Variants in TMEM273 observed in about 807,000 individuals in gnomAD.
The protein encoded by TMEM273 is chromosome 10 open reading frame 128.
A neutral mutation model predicts 17.9 loss-of-function variants in TMEM273; 19 were observed. That is an observed-to-expected ratio of 1.06 (90% confidence interval 0.74 to 1.55). The LOEUF (loss-of-function observed/expected upper bound fraction) is 1.55. Among genes scored for constraint, TMEM273 ranks in the 40% most tolerant of loss-of-function variants. TMEM273 has a pLI of 0.00. For missense variants in TMEM273, 194 were observed against 155.6 expected (o/e 1.25, Z -1.31); for synonymous variants, 66 against 62.0 (o/e 1.07, Z -0.31).
chr10:49,160,901 G>A (rs1209365597), intron 6 of TMEM273: 5 of 152,160 alleles, frequency 3.3e-5, no homozygotes, highest in African/African-American at 7.2e-5. Context: ...TAAAGCAGGA[G>A]AGTGAGGTCA....
chr10:49,185,871 G>A lies in TMEM273; in HGVS notation c.43+2423C>T, dbSNP rs191945419. 7.4e-3 allele frequency among the ~76,000 whole-genome samples: 1,130 copies of A among 151,806 alleles called. 11 individuals are homozygous for A. Among genetic ancestry groups the A allele is most frequent in the African/African-American group, 0.021 (864 of 41,364 alleles). ...CATGTGCCTGTAATCCCAGCTACTC[G>A]GGAGGCTGAGGCAGGTGAATTGCTT... On this transcript the variant is annotated intron_variant, in intron 1 of 6. Coordinates refer to ENST00000374153, the MANE Select transcript of TMEM273 (RefSeq NM_001288740.3).
intron 1 of TMEM273, among the ~76,000 whole-genome samples, chr10:49,169,963 G>T (rs532577535): frequency 9.0e-4 from 137 of 152,312 alleles, no homozygotes; most frequent in Non-Finnish European, 1.2e-3. Context: ...CAGTGGGTGG[G>T]GCCAGACCCC....
chr10:49,160,090 A>G (rs913045107), intron 6 of TMEM273, among the ~76,000 whole-genome samples: 2 of 152,264 alleles, frequency 1.3e-5, no homozygotes, highest in African/African-American at 2.4e-5. Flanking sequence ...TAGAAAGTCA[A>G]TATTTTGTAA....
chr10:49,169,382 G>A (rs773296087), intron 1 of TMEM273, among the ~76,000 whole-genome samples: 6 of 152,360 alleles, frequency 3.9e-5, no homozygotes, highest in African/African-American at 7.2e-5. Context: ...CCAGAGTGGC[G>A]TGGTAGGTTG....
intron 5 of TMEM273, among the ~76,000 whole-genome samples, chr10:49,164,731 C>A (rs904189868): frequency 6.6e-6 from 1 of 152,150 alleles, no homozygotes; most frequent in Non-Finnish European, 1.5e-5. Context: ...TCTCTTAGTC[C>A]TTCCGCACGT....
chr10:49,172,672 G>C (rs757474488), intron 1 of TMEM273, among the ~76,000 whole-genome samples: 3 of 152,208 alleles, frequency 2.0e-5, no homozygotes, highest in African/African-American at 7.2e-5. Context: ...AGTGGCCTTG[G>C]ACCAGACACA....
chr10:49,174,858 C>T (rs1846846417), intron 1 of TMEM273, among the ~76,000 whole-genome samples: 1 of 152,118 alleles, frequency 6.6e-6, no homozygotes, highest in Admixed American at 6.6e-5. Flanking sequence ...GACCCTGACG[C>T]TAAGGCTTCT....
chr10:49,166,370 G>GA (rs1011799010), intron 3 of TMEM273: 7 of 211,008 alleles, frequency 3.3e-5, no homozygotes, highest in South Asian at 1.6e-4. Flanking sequence ...CCCAATTTAT[G>GA]AAAAAAAATT....
chr10:49,169,167 G>T (rs1200665252), intron 1 of TMEM273, among the ~76,000 whole-genome samples: 1 of 152,168 alleles, frequency 6.6e-6, no homozygotes, highest in African/African-American at 2.4e-5. Context: ...ATGGACTTGG[G>T]CTGGGGATGG....
At chr10:49,158,197 A>C (rs769625371) in intron 6 of TMEM273, among the ~76,000 whole-genome samples, 3 of 151,422 alleles carry the variant, frequency 2.0e-5, no homozygotes, top group Admixed American at 6.6e-5. Flanking sequence ...TGAAAAAATT[A>C]TCTCTTTTCC....
intron 1 of TMEM273, among the ~76,000 whole-genome samples, chr10:49,173,495 TCCC>T (rs1412684703): frequency 6.6e-6 from 1 of 152,166 alleles, no homozygotes; most frequent in Admixed American, 6.5e-5. Context: ...TTTTCCCTCG[TCCC>T]TGTGGAAAGT....
chr10:49,164,099 T>C (rs1234371864), intron 5 of TMEM273, among the ~76,000 whole-genome samples: 2 of 152,160 alleles, frequency 1.3e-5, no homozygotes, highest in Non-Finnish European at 2.9e-5. Context: ...CTGTCCTAAA[T>C]GCCAGCCACT....
chr10:49,182,562 A>G (rs961818297), intron 1 of TMEM273, among the ~76,000 whole-genome samples: 8 of 152,240 alleles, frequency 5.3e-5, no homozygotes, highest in Non-Finnish European at 1.2e-4. Context: ...CAACAGAATT[A>G]AAACTGAGAT....
chr10:49,157,836 GCAAT>G (rs1845605570), intron 6 of TMEM273, among the ~76,000 whole-genome samples: 1 of 152,172 alleles, frequency 6.6e-6, no homozygotes, highest in African/African-American at 2.4e-5. Context: ...TTTAGCCAAT[GCAAT>G]CAGAGAGGAG....
intron 1 of TMEM273, among the ~76,000 whole-genome samples, chr10:49,180,906 C>T (rs934550453): frequency 1.2e-4 from 19 of 152,162 alleles, no homozygotes; most frequent in African/African-American, 4.3e-4. Context: ...CTAGTACTAA[C>T]GTTCTTGTCA....
rs569802074 is a variant in TMEM273 at position 49,188,151 on chromosome 10, C to T, written c.43+143G>A. 1.8e-4 allele frequency: 172 copies of T among 949,434 alleles called. 1 individual carries two copies. In the African/African-American group the frequency reaches 2.7e-3, roughly 15 times the overall value. 58.8% of individuals were successfully genotyped at this position (949,434 alleles called of 1,614,324 possible). A position where few individuals can be genotyped will look rare whatever the true frequency, so the allele number is the denominator to read the frequency against. On this transcript the variant is annotated intron_variant, in intron 1 of 6. Coordinates refer to ENST00000374153, the MANE Select transcript of TMEM273 (RefSeq NM_001288740.3). The stretch of plus-strand genomic sequence containing the variant: ...ATGAGACAAACAAGATCATTGCTCA[C>T]TACCAGATCAAAGTGAGAAACATCA...
In TMEM273 at chr10:49,156,415, G is replaced by T. The variant is rs80096937; in HGVS notation, c.373-506C>A. On this transcript the variant is annotated intron_variant, in intron 6 of 6. Coordinates refer to ENST00000374153, the MANE Select transcript of TMEM273 (RefSeq NM_001288740.3). ...GGCAGCATAGGTGTCTAAAAAAGGG[G>T]AAACATGGAAGAGAAGATGAGTCAA... Among the ~76,000 whole-genome samples the T allele has an allele frequency of 7.6e-3, 1,161 of 152,294 alleles. 8 individuals carry two copies. Among genetic ancestry groups the T allele is most frequent in the Middle Eastern group, 0.034 (10 of 294 alleles).
chr10:49,167,885 A>T, intron 2 of TMEM273, 24 bp downstream of exon 2: 1 of 1,613,744 alleles, frequency 6.2e-7, no homozygotes, highest in Non-Finnish European at 8.5e-7. Context: ...CCCTGTGCAC[A>T]GAATAACATG....
intron 5 of TMEM273, among the ~76,000 whole-genome samples, chr10:49,163,484 C>T (rs1034775378): frequency 1.3e-5 from 2 of 152,178 alleles, no homozygotes; most frequent in African/African-American, 2.4e-5. Flanking sequence ...GGCCTGGACA[C>T]TTCACAGGCC....
Sources: allele counts gnomAD v4.1 joint callset (sites outside exome capture counted in the v4.1 genomes callset), GRCh38; gene constraint gnomAD v4.1.1; transcripts MANE v1.5; gene names NCBI Gene and HGNC (gene_info 2026-07-23, HGNC 2026-07-21).